The following FREM3 variants were observed in gnomAD, a reference collection of about 807,000 sequenced individuals.
FREM3 encodes FRAS1-related extracellular matrix protein 3.
FREM3 carries 105 observed loss-of-function variants against 129.1 expected under a neutral mutation model. The ratio of observed to expected loss-of-function variants is 0.81; its 90% CI spans 0.69 to 0.96. The LOEUF (loss-of-function observed/expected upper bound fraction) is 0.96, where lower values mean the gene tolerates loss of function less well. FREM3 is among the 40% of genes least tolerant of loss of function. The pLI is 0.00. For missense variants in FREM3, 2,593 were observed against 2,666.3 expected (o/e 0.97, Z 0.61); for synonymous variants, 1,014 against 1,044.9 (o/e 0.97, Z 0.57).
At chr4:143,593,219 C>G (rs956708388) in intron 6 of FREM3, among the ~76,000 whole-genome samples, 1 of 152,180 alleles carries the variant, frequency 6.6e-6, no homozygotes, top group South Asian at 2.1e-4. Context: ...TCTATTGAAG[C>G]CTTCCTCTCT....
rs182065403 is a variant in FREM3, at chr4:143,578,147, T to A, written c.6179-295A>T. Among the ~76,000 whole-genome samples the A allele has an allele frequency of 3.2e-4, 48 of 152,366 alleles. 1 individual carries two copies. The highest frequency in any genetic ancestry group is 2.4e-3 in the Admixed American group (37 of 15,308). On this transcript the variant is annotated intron_variant, in intron 7 of 7. Transcript: ENST00000329798. ...GATTCTGCCAAATTATTGAAGGATC[T>A]CTGAAGGTAGCTTCAATTTGAAATG...
chr4:143,650,665 A>C (rs547414791), intron 2 of FREM3, among the ~76,000 whole-genome samples: 11 of 152,132 alleles, frequency 7.2e-5, no homozygotes, highest in Non-Finnish European at 8.8e-5. Flanking sequence ...CAATTTTTAA[A>C]AGTTTCTGTA....
intron 7 of FREM3, among the ~76,000 whole-genome samples, chr4:143,579,043 AC>A (rs139763723): frequency 0.019 from 2,884 of 151,428 alleles, 100 homozygotes; most frequent in African/African-American, 0.066. Context: ...ATGGTTCCAA[AC>A]TTAAACTCAA....
chr4:143,603,548 A>G (rs1226176635), intron 6 of FREM3, among the ~76,000 whole-genome samples: 2 of 152,178 alleles, frequency 1.3e-5, no homozygotes, highest in Admixed American at 1.3e-4. Flanking sequence ...CCTCAGTAGA[A>G]TGACATGTTT....
intron 7 of FREM3, 69 bp from the exon 8 acceptor site, chr4:143,577,921 G>T: frequency 6.8e-7 from 1 of 1,461,572 alleles, no homozygotes; most frequent in Non-Finnish European, 9.1e-7. Flanking sequence ...AGAGAAAAAT[G>T]AGAGCTCTCA....
chr4:143,643,419 T>C lies in FREM3; in HGVS notation c.5276-15659A>G, dbSNP rs974540848. Among the ~76,000 whole-genome samples, 3 of 5,032 alleles carry C rather than the reference T, an allele frequency of 6.0e-4. No homozygotes were observed. In the Non-Finnish European group the frequency reaches 0.022, roughly 38 times the overall value. 3.3% of individuals were successfully genotyped at this position (5,032 alleles called of 152,430 possible). A position where few individuals can be genotyped will look rare whatever the true frequency, so the allele number is the denominator to read the frequency against. On this transcript the variant is annotated intron_variant, in intron 2 of 7. Coordinates refer to ENST00000329798, the MANE Select transcript of FREM3 (RefSeq NM_001168235.2). ...AAGAAAATGTGGTATAGAAACACAA[T>C]GTTTTATTATATAATATATAAAGTA...
At chr4:143,632,672 T>C (rs1193457629) in intron 2 of FREM3, among the ~76,000 whole-genome samples, 1 of 152,130 alleles carries the variant, frequency 6.6e-6, no homozygotes, top group East Asian at 1.9e-4. Context: ...CTGTCCATAT[T>C]TGGAGGATTT....
At chr4:143,689,737 C>G (rs963161204) in intron 2 of FREM3, among the ~76,000 whole-genome samples, 2 of 151,842 alleles carry the variant, frequency 1.3e-5, no homozygotes, top group Non-Finnish European at 2.9e-5. Flanking sequence ...TTGCAGTGAC[C>G]TGGATGAGAT....
At chr4:143,615,908 C>A (rs1020083896) in intron 5 of FREM3, among the ~76,000 whole-genome samples, 10 of 152,156 alleles carry the variant, frequency 6.6e-5, no homozygotes, top group African/African-American at 2.4e-4. Flanking sequence ...AAGGGCACCT[C>A]ACAGAGCTGA....
Position 143,699,646 on chromosome 4 carries a change from A to ACACCAGGTCACCAGGGTCTGACT in FREM3, c.1007_1029dup (p.Phe344SerfsTer12). On this transcript the variant is annotated frameshift_variant, in exon 1 of 8. Coordinates refer to ENST00000329798, the MANE Select transcript of FREM3 (RefSeq NM_001168235.2). LOFTEE classifies it high-confidence loss of function. This position sits in a 1 kb window ranked among gnomAD's most constrained non-coding sequence, Gnocchi z 4.2. ...TGAGTGGGGGCGTTCAGAATGTTGAACACCAGGTCACCAGGGTCTGACTCG... is the reference window on the plus strand; with the variant it reads ...TGAGTGGGGGCGTTCAGAATGTTGAACACCAGGTCACCAGGGTCTGACTCACCAGGTCACCAGGGTCTGACTCG... 1 of 1,530,376 alleles carries ACACCAGGTCACCAGGGTCTGACT rather than the reference A, an allele frequency of 6.5e-7. No homozygotes were observed. The highest frequency in any genetic ancestry group is 2.5e-5 in the East Asian group (1 of 40,806). The allele number at this position is 1,530,376 out of a possible 1,614,324, so 94.8% of individuals were successfully genotyped here.
chr4:143,607,041 A>G lies in FREM3; in HGVS notation c.6028+4238T>C, dbSNP rs193205277. On this transcript the variant is annotated intron_variant, in intron 6 of 7. Transcript: ENST00000329798. ...AGAATAGTGTTCTCCCCTTGATTAT[A>G]TAATGGTTATATTCTTCACTGCTGT... Among the ~76,000 whole-genome samples the G allele has an allele frequency of 2.2e-3, 333 of 152,244 alleles. 2 individuals carry two copies. Among genetic ancestry groups the G allele is most frequent in the African/African-American group, 7.6e-3 (314 of 41,550 alleles).
At chr4:143,629,562 A>G (rs1016359355) in intron 2 of FREM3, among the ~76,000 whole-genome samples, 3 of 152,160 alleles carry the variant, frequency 2.0e-5, no homozygotes, top group Admixed American at 6.5e-5. Flanking sequence ...TCCTACTGCT[A>G]TTTTTTAAAA....
chr4:143,612,319 T>C (rs1157371934), intron 5 of FREM3, among the ~76,000 whole-genome samples: 1 of 152,228 alleles, frequency 6.6e-6, no homozygotes, highest in Non-Finnish European at 1.5e-5. Context: ...TTATGAGAAA[T>C]TTCATACAAA....
chr4:143,681,946 C>G (rs200509838), intron 2 of FREM3, among the ~76,000 whole-genome samples: 2 of 152,156 alleles, frequency 1.3e-5, no homozygotes, highest in Non-Finnish European at 2.9e-5. Context: ...CTTACTTCCT[C>G]TCCTTCTTTT....
chr4:143,637,320 C>A (rs1383574170), intron 2 of FREM3, among the ~76,000 whole-genome samples: 1 of 152,060 alleles, frequency 6.6e-6, no homozygotes, highest in East Asian at 1.9e-4. Context: ...GAAGAATTGG[C>A]AGATTAGGTA....
intron 2 of FREM3, among the ~76,000 whole-genome samples, chr4:143,650,064 CA>C (rs1223071807): frequency 6.6e-6 from 1 of 152,174 alleles, no homozygotes; most frequent in Non-Finnish European, 1.5e-5. Flanking sequence ...TTAACAAAAT[CA>C]TAAATGCTAT....
chr4:143,622,750 C>T (rs1439109265), intron 4 of FREM3, among the ~76,000 whole-genome samples: 1 of 152,068 alleles, frequency 6.6e-6, no homozygotes, highest in Admixed American at 6.6e-5. Flanking sequence ...TTCAGTCATG[C>T]CCTCTATTTT....
rs773619756 is a variant in FREM3 at position 143,624,085 on chromosome 4, G to A, written c.5653+23C>T. Reference sequence around the variant, plus strand: ...CCAAGAACCTGTACTGGTTAATAAAGCAAATCAATCAGTGTCACATACCAT... The same window carrying A: ...CCAAGAACCTGTACTGGTTAATAAAACAAATCAATCAGTGTCACATACCAT... On this transcript the variant is annotated intron_variant, in intron 4 of 7. Coordinates refer to ENST00000329798, the MANE Select transcript of FREM3 (RefSeq NM_001168235.2). 30 of 1,358,472 alleles carry A rather than the reference G, an allele frequency of 2.2e-5. No individual in the cohort carries two copies. The East Asian group carries it at 6.7e-4, about 31-fold the overall frequency. The allele number at this position is 1,358,472 out of a possible 1,614,324, so 84.2% of individuals were successfully genotyped here. A position where few individuals can be genotyped will look rare whatever the true frequency, so the allele number is the denominator to read the frequency against.
chr4:143,577,666 A>C lies in FREM3; in HGVS notation c.6365T>G (p.Phe2122Cys), dbSNP rs1738063915. The change falls in exon 8 of 8, where the codon TTC (phenylalanine) becomes TGC (cysteine). Residue 2122 changes from phenylalanine to cysteine, a missense_variant. Phe to Cys is a radical substitution (Grantham distance 205). This residue lies in a region of FREM3 where 317 missense variants were observed against 399.0 expected (regional missense o/e 0.79). Coordinates refer to ENST00000329798, the MANE Select transcript of FREM3 (RefSeq NM_001168235.2). ...ACAGTCCGTGATGGTGTCCTCGATG[A>C]AAATGGTAGTTTTATTTGGTTCTCC... is the stretch of plus-strand genomic sequence containing the variant. ...VLGEPNKTTIFIEDTITDCKQ... is the reference protein window; with the variant it reads ...VLGEPNKTTICIEDTITDCKQ... The C allele has an allele frequency of 6.5e-7, 1 of 1,537,184 alleles. No homozygotes were observed.
Sources: gnomAD v4.1 joint callset for allele counts (sites outside exome capture counted in the v4.1 genomes callset) on GRCh38, gnomAD v4.1.1 for gene constraint, gnomAD v4.1.1 regional missense constraint, Gnocchi (gnomAD v3.1) non-coding constraint, MANE v1.5 for transcripts, NCBI Gene and HGNC (gene_info 2026-07-23, HGNC 2026-07-21) for gene names.